DNMT1: variants seen among roughly 807,000 people sequenced by gnomAD.
The protein encoded by DNMT1 is DNA (cytosine-5)-methyltransferase 1.
A neutral mutation model predicts 205.3 loss-of-function variants in DNMT1; 24 were observed. That is an observed-to-expected ratio of 0.12 (90% confidence interval 0.08 to 0.16). The LOEUF is 0.16. Among genes scored for constraint, DNMT1 ranks in the 10% least tolerant of loss-of-function variants. The probability of loss-of-function intolerance (pLI) is 1.00; values close to 1 mark genes in which losing one functional copy is unlikely to be tolerated. For synonymous variants in DNMT1, 817 were observed against 839.8 expected (o/e 0.97, Z 0.47); for missense variants, 1,293 against 2,177.7 (o/e 0.59, Z 8.09).
In DNMT1 at chr19:10,151,884, G is replaced by A. The variant is rs1364862872; in HGVS notation, c.2020-37C>T. The A allele has an allele frequency of 6.3e-6, 10 of 1,594,394 alleles. No homozygotes were observed. Among genetic ancestry groups the A allele is most frequent in the African/African-American group, 1.3e-5 (1 of 74,492 alleles). On this transcript the variant is annotated intron_variant, in intron 22 of 40. Coordinates refer to ENST00000359526, the MANE Select transcript of DNMT1 (RefSeq NM_001130823.3). This position sits in a 1 kb window ranked among gnomAD's most constrained non-coding sequence, Gnocchi z 5.0. ...CATTAAAAAGGCAAATCAGGGCTGG[G>A]CACAGTGGTTCATGCCTGTAATCCC...
rs761285671 is a variant in DNMT1, at chr19:10,160,004, C to T, written c.1089+14G>A. ...TGAGCGCCGCCACCGGCTTTATTCCCGGCAGATGTTTACCTTGGAGTTCAT... is the reference window on the plus strand; with the variant it reads ...TGAGCGCCGCCACCGGCTTTATTCCTGGCAGATGTTTACCTTGGAGTTCAT... On this transcript the variant is annotated intron_variant, in intron 15 of 40. Coordinates refer to ENST00000359526, the MANE Select transcript of DNMT1 (RefSeq NM_001130823.3). 1.7e-5 allele frequency: 28 copies of T among 1,614,054 alleles called. No homozygotes were observed. The highest frequency in any genetic ancestry group is 6.6e-5 in the South Asian group (6 of 91,092).
At chr19:10,177,231 A>G in intron 6 of DNMT1, 61 bp downstream of exon 6, 1 of 1,504,704 alleles carries the variant, frequency 6.6e-7, no homozygotes, top group Non-Finnish European at 9.2e-7. Context: ...ACGCCCTACC[A>G]ATTCCATCCC....
At chr19:10,164,884 C>A (rs547060105) in intron 11 of DNMT1, among the ~76,000 whole-genome samples, 1 of 114,426 alleles carries the variant, frequency 8.7e-6, no homozygotes, top group Non-Finnish European at 1.7e-5. Context: ...CTCGAGATCA[C>A]ACCATTGCAT....
chr19:10,155,148 C>G, intron 19 of DNMT1, 92 bp from the exon 20 acceptor site: 1 of 1,540,584 alleles, frequency 6.5e-7, no homozygotes, highest in Non-Finnish European at 8.9e-7. Context: ...CAAACTCACC[C>G]AACAGTCTAA....
intron 10 of DNMT1, 79 bp from the exon 11 acceptor site, chr19:10,166,764 T>C: frequency 1.4e-6 from 2 of 1,464,732 alleles, no homozygotes; most frequent in Non-Finnish European, 1.9e-6. Context: ...TCCTAAGGGC[T>C]GACACAAGCT....
intron 11 of DNMT1, among the ~76,000 whole-genome samples, chr19:10,164,273 A>G (rs184177697): frequency 6.6e-6 from 1 of 152,206 alleles, no homozygotes; most frequent in Non-Finnish European, 1.5e-5. Flanking sequence ...CCTCTCTAGT[A>G]GCTGGGATTA....
At position 10,182,039 on chromosome 19, in the gene DNMT1, A is replaced by T; in HGVS notation, c.117+2T>A. On this transcript the variant is annotated splice_donor_variant, in intron 2 of 40. Coordinates refer to ENST00000359526, the MANE Select transcript of DNMT1 (RefSeq NM_001130823.3). LOFTEE classifies it high-confidence loss of function. ...TAAGAAAAATTTTAAGGTGGAGATT[A>T]CCTTTTCTGTTAAGCTGTCTCTTTC... 1 of 1,613,042 alleles carries T rather than the reference A, an allele frequency of 6.2e-7. No individual in the cohort carries two copies. The highest frequency in any genetic ancestry group is 2.2e-5 in the East Asian group (1 of 44,840).
chr19:10,135,559 G>A, intron 39 of DNMT1, 177 bp downstream of exon 39: 1 of 679,470 alleles, frequency 1.5e-6, no homozygotes, highest in Non-Finnish European at 2.6e-6. Flanking sequence ...GACGCAGCCT[G>A]ACTCGGATGT....
chr19:10,164,897 CAG>C (rs1158760989), intron 11 of DNMT1, among the ~76,000 whole-genome samples: 3 of 103,310 alleles, frequency 2.9e-5, no homozygotes, highest in Admixed American at 2.9e-4. Flanking sequence ...CATTGCATGA[CAG>C]AGAGAGACTA....
In DNMT1 at chr19:10,138,320, G is replaced by T; in HGVS notation, c.4115+119C>A. On this transcript the variant is annotated intron_variant, in intron 35 of 40. Transcript: ENST00000359526. This position sits in a 1 kb window ranked among gnomAD's most constrained non-coding sequence, Gnocchi z 4.1. ...AGTGCCATGTGGCAGAGCACCGTGT[G>T]GCAGGGCAGATGCTGTACCATCCTC... The T allele has an allele frequency of 6.7e-7, 1 of 1,489,892 alleles. No individual in the cohort carries two copies. Among genetic ancestry groups the T allele is most frequent in the Non-Finnish European group, 9.2e-7 (1 of 1,087,336 alleles). The allele number at this position is 1,489,892 out of a possible 1,614,324, so 92.3% of individuals were successfully genotyped here.
chr19:10,187,636 G>C (rs937894176), intron 1 of DNMT1, among the ~76,000 whole-genome samples: 3 of 149,888 alleles, frequency 2.0e-5, no homozygotes, highest in African/African-American at 7.4e-5. Flanking sequence ...TCAGGAGGCC[G>C]AGGCGGAAGG....
In DNMT1 at chr19:10,156,274, C is replaced by T. The variant is rs1005123801; in HGVS notation, c.1399+117G>A. ...GTTGTCCAGGCTCGTCTCAAACTCCCGGGCTCAAGTGATCCTCTGGCCTCA... is the reference window on the plus strand; with the variant it reads ...GTTGTCCAGGCTCGTCTCAAACTCCTGGGCTCAAGTGATCCTCTGGCCTCA... On this transcript the variant is annotated intron_variant, in intron 18 of 40. Coordinates refer to ENST00000359526, the MANE Select transcript of DNMT1 (RefSeq NM_001130823.3). This position sits in a 1 kb window ranked among gnomAD's most constrained non-coding sequence, Gnocchi z 4.2. 23 of 828,464 alleles carry T rather than the reference C, an allele frequency of 2.8e-5. No homozygotes were observed. The highest frequency in any genetic ancestry group is 2.3e-4 in the Admixed American group (13 of 57,210). 51.3% of individuals were successfully genotyped at this position (828,464 alleles called of 1,614,324 possible).
intron 40 of DNMT1, 69 bp downstream of exon 40, chr19:10,134,148 C>T: frequency 6.4e-7 from 1 of 1,559,716 alleles, no homozygotes; most frequent in South Asian, 1.1e-5. Context: ...CGGTGGCCAG[C>T]AACTGCCCCC....
At chr19:10,189,189 G>A (rs1472368565) in intron 1 of DNMT1, among the ~76,000 whole-genome samples, 1 of 149,372 alleles carries the variant, frequency 6.7e-6, no homozygotes, top group African/African-American at 2.5e-5. Context: ...GCATGATCTC[G>A]GCTCACTGCA....
intron 1 of DNMT1, among the ~76,000 whole-genome samples, chr19:10,186,458 C>A (rs2039184149): frequency 6.6e-6 from 1 of 152,064 alleles, no homozygotes; most frequent in Non-Finnish European, 1.5e-5. Flanking sequence ...ACTCAGAATG[C>A]CGGCTTAGTG....
At chr19:10,153,912 A>C (rs2038401076) in intron 22 of DNMT1, among the ~76,000 whole-genome samples, 1 of 152,194 alleles carries the variant, frequency 6.6e-6, no homozygotes, top group African/African-American at 2.4e-5. Context: ...TTAAAAACTC[A>C]CAGAAAGGGA....
At chr19:10,172,874 C>G (rs2038850385) in intron 9 of DNMT1, among the ~76,000 whole-genome samples, 1 of 151,868 alleles carries the variant, frequency 6.6e-6, no homozygotes, top group South Asian at 2.1e-4. Context: ...TAGCAAGGGT[C>G]CTCACTATCA....
intron 5 of DNMT1, among the ~76,000 whole-genome samples, chr19:10,177,596 C>T (rs1392156235): frequency 2.0e-5 from 3 of 152,032 alleles, no homozygotes. Flanking sequence ...GGGCCAAATG[C>T]TAAAGAAGGC....
Position 10,151,938 on chromosome 19 carries a change from T to C in DNMT1, c.2020-91A>G. On this transcript the variant is annotated intron_variant, in intron 22 of 40. Coordinates refer to ENST00000359526, the MANE Select transcript of DNMT1 (RefSeq NM_001130823.3). This position sits in a 1 kb window ranked among gnomAD's most constrained non-coding sequence, Gnocchi z 5.0. ...ATTTCAGAAGGCCGAGGCAGGCAGATCACTTAAGGTCAGGAATTGCAGACC... is the reference window on the plus strand; with the variant it reads ...ATTTCAGAAGGCCGAGGCAGGCAGACCACTTAAGGTCAGGAATTGCAGACC... The C allele has an allele frequency of 1.6e-6, 2 of 1,261,764 alleles. No homozygotes were observed. Among genetic ancestry groups the C allele is most frequent in the Non-Finnish European group, 2.3e-6 (2 of 866,922 alleles). 78.2% of individuals were successfully genotyped at this position (1,261,764 alleles called of 1,614,324 possible).
Sources: allele counts gnomAD v4.1 joint callset (sites outside exome capture counted in the v4.1 genomes callset), GRCh38; gene constraint gnomAD v4.1.1; non-coding constraint Gnocchi (gnomAD v3.1); transcripts MANE v1.5; gene names NCBI Gene and HGNC (gene_info 2026-07-23, HGNC 2026-07-21).